SLIT2: variants seen among roughly 807,000 people sequenced by gnomAD.
SLIT2 encodes slit homolog 2 protein.
SLIT2 carries 41 observed loss-of-function variants against 185.7 expected under a neutral mutation model. That is an observed-to-expected ratio of 0.22 (90% CI 0.17 to 0.29). The LOEUF (loss-of-function observed/expected upper bound fraction) is 0.29, where lower values mean the gene tolerates loss of function less well. SLIT2 is among the 10% of genes least tolerant of loss of function. The pLI is 1.00. For missense variants in SLIT2, 1,571 were observed against 1,909.0 expected (o/e 0.82, Z 3.30); for synonymous variants, 693 against 680.2 (o/e 1.02, Z -0.29).
intron 5 of SLIT2, among the ~76,000 whole-genome samples, chr4:20,475,551 A>G (rs901995689): frequency 6.6e-6 from 1 of 151,988 alleles, no homozygotes; most frequent in Non-Finnish European, 1.5e-5. Flanking sequence ...TTCACAGACT[A>G]TTTGCTACAT....
chr4:20,569,070 T>C (rs1307360902), intron 29 of SLIT2, 66 bp downstream of exon 29: 4 of 1,294,864 alleles, frequency 3.1e-6, no homozygotes, highest in Admixed American at 1.7e-5. Flanking sequence ...ATTGGAACTA[T>C]GTTATATATG....
intron 4 of SLIT2, among the ~76,000 whole-genome samples, chr4:20,275,199 C>T (rs181249762): frequency 9.2e-5 from 14 of 152,080 alleles, no homozygotes; most frequent in African/African-American, 3.4e-4. Context: ...AATGTATTTG[C>T]TTTATGTTTT....
chr4:20,594,830 T>C (rs917602311), intron 30 of SLIT2, among the ~76,000 whole-genome samples: 4 of 152,210 alleles, frequency 2.6e-5, no homozygotes, highest in Middle Eastern at 3.4e-3. Context: ...AGAAGTTGAG[T>C]GTTTGGGGGC....
intron 8 of SLIT2, chr4:20,489,884 T>G (rs1717619273): frequency 6.6e-6 from 1 of 152,000 alleles, no homozygotes. Context: ...GTCAGGAGAT[T>G]GAGACCATCC....
chr4:20,382,597 A>G (rs1051600625), intron 4 of SLIT2, among the ~76,000 whole-genome samples: 2 of 152,180 alleles, frequency 1.3e-5, no homozygotes, highest in Admixed American at 1.3e-4. Flanking sequence ...ACATAAATGT[A>G]ATAGAATATA....
At chr4:20,564,100 A>G (rs1724904019) in intron 26 of SLIT2, among the ~76,000 whole-genome samples, 1 of 151,902 alleles carries the variant, frequency 6.6e-6, no homozygotes, top group Non-Finnish European at 1.5e-5. Flanking sequence ...TTTATTTGGC[A>G]TCTCTTTTTA....
chr4:20,614,233 C>T (rs1412438169), intron 34 of SLIT2, among the ~76,000 whole-genome samples: 1 of 152,020 alleles, frequency 6.6e-6, no homozygotes, highest in Non-Finnish European at 1.5e-5. Flanking sequence ...CCCTTATTAC[C>T]TAATGGGGAA....
chr4:20,463,614 C>T (rs1714020438), intron 4 of SLIT2, among the ~76,000 whole-genome samples: 2 of 149,430 alleles, frequency 1.3e-5, no homozygotes, highest in African/African-American at 2.5e-5. Flanking sequence ...GTGGTTCACG[C>T]CTGTAATCCT....
rs887732539 is a variant in SLIT2 at position 20,252,547 on chromosome 4, A to C, written c.-1269A>C. 1.3e-5 allele frequency among the ~76,000 whole-genome samples: 2 copies of C among 151,846 alleles called. No individual in the cohort carries two copies. Among genetic ancestry groups the C allele is most frequent in the African/African-American group, 4.8e-5 (2 of 41,370 alleles). On this transcript the variant is annotated 5_prime_UTR_variant, in exon 1 of 37. Transcript: ENST00000504154. ...TTCAAAGCCTGGGAAAAGTTGCTGC[A>C]CTTTGAGAAGGACGAACCACTAGTG... is the stretch of plus-strand genomic sequence containing the variant.
intron 16 of SLIT2, among the ~76,000 whole-genome samples, chr4:20,531,756 T>TG (rs1417932055): frequency 6.8e-6 from 1 of 146,302 alleles, no homozygotes; most frequent in Non-Finnish European, 1.5e-5. Context: ...TTGATCTTTG[T>TG]GTTTTTTTTT....
At chr4:20,544,688 G>A (rs1232056545) in intron 21 of SLIT2, among the ~76,000 whole-genome samples, 2 of 151,938 alleles carry the variant, frequency 1.3e-5, no homozygotes, top group South Asian at 4.1e-4. Flanking sequence ...TAAAGACTTT[G>A]GCAAAAATTA....
chr4:20,268,539 T>G (rs975263292), intron 3 of SLIT2, among the ~76,000 whole-genome samples: 3 of 151,862 alleles, frequency 2.0e-5, no homozygotes, highest in African/African-American at 7.2e-5. Flanking sequence ...CCTTTATCAT[T>G]GTGTGTATTC....
intron 5 of SLIT2, among the ~76,000 whole-genome samples, chr4:20,472,256 ATC>A (rs200487867): frequency 0.32 from 7,287 of 22,510 alleles, 1,299 homozygotes; most frequent in East Asian, 0.61. Flanking sequence ...CTATATATAG[ATC>A]TATATATAGA....
At chr4:20,326,660 T>C (rs1472546129) in intron 4 of SLIT2, among the ~76,000 whole-genome samples, 1 of 151,922 alleles carries the variant, frequency 6.6e-6, no homozygotes, top group East Asian at 1.9e-4. Flanking sequence ...GTGACTCTTA[T>C]TCTGAGTCTT....
intron 33 of SLIT2, among the ~76,000 whole-genome samples, chr4:20,602,522 G>A (rs183883330): frequency 6.6e-6 from 1 of 152,238 alleles, no homozygotes; most frequent in African/African-American, 2.4e-5. Context: ...AGTGTAGAAT[G>A]GTTGTTTCCA....
Position 20,422,880 on chromosome 4 carries a change from A to AT in SLIT2, c.396-44865dup, listed in dbSNP as rs563278594. Among the ~76,000 whole-genome samples, 508 of 138,890 alleles carry AT rather than the reference A, an allele frequency of 3.7e-3. 8 individuals are homozygous for AT. The highest frequency in any genetic ancestry group is 0.013 in the African/African-American group (483 of 36,332). 91.1% of individuals were successfully genotyped at this position (138,890 alleles called of 152,430 possible). ...GTGCAGAATACTCAATATCATTCTGATTTTTTTCCCCATGTGGCACTATTA... is the reference window on the plus strand; with the variant it reads ...GTGCAGAATACTCAATATCATTCTGATTTTTTTTCCCCATGTGGCACTATTA... On this transcript the variant is annotated intron_variant, in intron 4 of 36. Coordinates refer to ENST00000504154, the MANE Select transcript of SLIT2 (RefSeq NM_004787.4).
chr4:20,262,810 T>A (rs918063999), intron 3 of SLIT2, among the ~76,000 whole-genome samples: 5 of 151,908 alleles, frequency 3.3e-5, no homozygotes, highest in Non-Finnish European at 7.4e-5. Context: ...TTAATCCCTG[T>A]GCGCTGTTAC....
intron 4 of SLIT2, among the ~76,000 whole-genome samples, chr4:20,274,389 T>C (rs897081012): frequency 2.0e-5 from 3 of 152,166 alleles, no homozygotes; most frequent in African/African-American, 7.2e-5. Flanking sequence ...ACTTGATATA[T>C]GGACATCTGA....
chr4:20,397,437 C>A (rs1055445088), intron 4 of SLIT2, among the ~76,000 whole-genome samples: 4 of 151,912 alleles, frequency 2.6e-5, no homozygotes, highest in African/African-American at 9.6e-5. Context: ...TTCACTGCTT[C>A]TCAAAGCTGA....
Sources: gnomAD v4.1 joint callset for allele counts (sites outside exome capture counted in the v4.1 genomes callset) on GRCh38, gnomAD v4.1.1 for gene constraint, MANE v1.5 for transcripts, NCBI Gene and HGNC (gene_info 2026-07-23, HGNC 2026-07-21) for gene names.